ICE1: variants seen among roughly 807,000 people sequenced by gnomAD.
ICE1 encodes interactor of little elongation complex ELL subunit 1.
In ICE1, 64 loss-of-function variants were observed where a neutral mutation model predicts 192.7. The ratio of observed to expected loss-of-function variants is 0.33; its 90% CI spans 0.27 to 0.41. ICE1 has a LOEUF of 0.41. Among genes scored for constraint, ICE1 ranks in the 10% least tolerant of loss-of-function variants. The pLI is 1.00. For missense variants in ICE1, 2,708 were observed against 2,696.0 expected, an observed-to-expected ratio of 1.00 and a Z score of -0.10; for synonymous variants, 1,010 against 984.5, an observed-to-expected ratio of 1.03 and a Z score of -0.49.
rs1737341601 is a variant in ICE1 at position 5,422,733 on chromosome 5, C to G, written c.-183C>G. 2.7e-6 allele frequency: 1 copy of G among 370,386 alleles called. No individual in the cohort carries two copies. The highest frequency in any genetic ancestry group is 2.1e-5 in the African/African-American group (1 of 47,328). The allele number at this position is 370,386 out of a possible 1,614,324, so 22.9% of individuals were successfully genotyped here. A position where few individuals can be genotyped will look rare whatever the true frequency, so the allele number is the denominator to read the frequency against. ...TAGCGTTTCTTTTTAGTGCCTGAGG[C>G]AGCTCTGGCTCGGAGAGCCTTTTGC... On this transcript the variant is annotated 5_prime_UTR_variant, in exon 1 of 19. Coordinates refer to ENST00000296564, the MANE Select transcript of ICE1 (RefSeq NM_015325.3).
chr5:5,428,735 G>A (rs1422068398), intron 1 of ICE1, among the ~76,000 whole-genome samples: 2 of 151,998 alleles, frequency 1.3e-5, no homozygotes, highest in Non-Finnish European at 2.9e-5. Flanking sequence ...TGCTGGCCTG[G>A]GAGTGGCTTT....
intron 3 of ICE1, 79 bp downstream of exon 3, chr5:5,437,193 C>A (rs998752315): frequency 3.7e-6 from 4 of 1,076,368 alleles, no homozygotes; most frequent in Non-Finnish European, 1.4e-6. Context: ...GAGAATTGTT[C>A]CTCATAGGCC....
At chr5:5,435,678 G>GTTTTTT (rs796599483) in intron 1 of ICE1, among the ~76,000 whole-genome samples, 48 of 116,712 alleles carry the variant, frequency 4.1e-4, no homozygotes, top group African/African-American at 1.4e-3. Context: ...TTTTTGTTTT[G>GTTTTTT]TTTTTGTTTT....
chr5:5,448,657 T>C (rs1738320626), intron 10 of ICE1, among the ~76,000 whole-genome samples: 1 of 150,744 alleles, frequency 6.6e-6, no homozygotes. Flanking sequence ...CACTAATGTG[T>C]TATTTTTTTC....
At chr5:5,445,171 C>A (rs1259149963) in intron 7 of ICE1, among the ~76,000 whole-genome samples, 3 of 152,168 alleles carry the variant, frequency 2.0e-5, no homozygotes, top group Non-Finnish European at 2.9e-5. Flanking sequence ...TTAGTTACAT[C>A]CGGGCACATA....
intron 17 of ICE1, among the ~76,000 whole-genome samples, chr5:5,480,148 C>T (rs891162500): frequency 1.3e-5 from 2 of 152,116 alleles, no homozygotes; most frequent in African/African-American, 4.8e-5. Context: ...ATTCTTTGCC[C>T]CTGGGGAATA....
At chr5:5,427,714 T>C (rs958157237) in intron 1 of ICE1, among the ~76,000 whole-genome samples, 3 of 152,220 alleles carry the variant, frequency 2.0e-5, no homozygotes, top group Non-Finnish European at 4.4e-5. Flanking sequence ...AAGGAATGCT[T>C]ACAAAATTGT....
At chr5:5,433,442 C>T (rs1272779409) in intron 1 of ICE1, among the ~76,000 whole-genome samples, 2 of 152,144 alleles carry the variant, frequency 1.3e-5, no homozygotes, top group African/African-American at 4.8e-5. Flanking sequence ...CACTTTTCCC[C>T]ACTGCTGGCT....
At chr5:5,428,854 C>T (rs532049981) in intron 1 of ICE1, among the ~76,000 whole-genome samples, 12 of 152,238 alleles carry the variant, frequency 7.9e-5, no homozygotes, top group East Asian at 1.9e-4. Flanking sequence ...AAAGTTTAAA[C>T]AGCAGAGCCT....
intron 16 of ICE1, among the ~76,000 whole-genome samples, chr5:5,474,209 C>CA (rs199608820): frequency 0.054 from 6,449 of 120,488 alleles, 518 homozygotes; most frequent in East Asian, 0.34. Flanking sequence ...GACTTCATCT[C>CA]AAAAAAAAAA....
chr5:5,442,268 C>G (rs981764753), intron 5 of ICE1, among the ~76,000 whole-genome samples: 12 of 152,242 alleles, frequency 7.9e-5, no homozygotes, highest in Non-Finnish European at 1.5e-4. Flanking sequence ...AACCTCTTCT[C>G]TCTAGGCGCT....
At chr5:5,427,570 C>A (rs1737562801) in intron 1 of ICE1, among the ~76,000 whole-genome samples, 1 of 152,138 alleles carries the variant, frequency 6.6e-6, no homozygotes, top group African/African-American at 2.4e-5. Context: ...GTATGGTTGT[C>A]CTTGGAACAG....
In ICE1 at chr5:5,464,468, TCTC is replaced by T; in HGVS notation, c.5138_5140del (p.Pro1713del). 6.2e-7 allele frequency: 1 copy of T among 1,613,750 alleles called. No individual in the cohort carries two copies. Among genetic ancestry groups the T allele is most frequent in the Non-Finnish European group, 8.5e-7 (1 of 1,179,842 alleles). On this transcript the variant is annotated inframe_deletion, in exon 13 of 19. Transcript: ENST00000296564. This position sits in a 1 kb window ranked among gnomAD's most constrained non-coding sequence, Gnocchi z 4.0. ...TTCAGCCAGTGAGAGGGTAGTGCCGTCTCCTCTGCAGTTCTGTGCGGCCACGCC... is the reference window on the plus strand; with the variant it reads ...TTCAGCCAGTGAGAGGGTAGTGCCGTCTCTGCAGTTCTGTGCGGCCACGCC...
intron 13 of ICE1, 85 bp from the exon 14 acceptor site, chr5:5,466,249 A>G: frequency 8.0e-7 from 1 of 1,248,534 alleles, no homozygotes; most frequent in Non-Finnish European, 1.1e-6. Context: ...ATAGATACTT[A>G]AGTTTTGTAA....
Position 5,461,400 on chromosome 5 carries a change from C to T in ICE1, c.2066C>T (p.Pro689Leu). The change falls in exon 13 of 19, where the codon CCA becomes CTA. Residue 689 changes from proline (P) to leucine (L), a missense_variant. Around this residue, in one of 2 missense-constraint regions of ICE1, gnomAD observed 2,366 missense variants for 2,276.6 expected, o/e 1.04. Transcript: ENST00000296564. ...TLNTLHLQSE[P>L]PECSIGGNNL... is the part of the protein sequence containing the mutation. ...AACACATTACATCTGCAGTCTGAGC[C>T]ACCGGAGTGTTCTATAGGAGGAAAC... 1 of 1,613,956 alleles carries T rather than the reference C, an allele frequency of 6.2e-7. No homozygotes were observed. Among genetic ancestry groups the T allele is most frequent in the Non-Finnish European group, 8.5e-7 (1 of 1,179,876 alleles).
At chr5:5,480,359 C>G (rs1305094710) in intron 17 of ICE1, among the ~76,000 whole-genome samples, 1 of 150,846 alleles carries the variant, frequency 6.6e-6, no homozygotes, top group African/African-American at 2.4e-5. Flanking sequence ...GCGCCATTCT[C>G]CTGCCTCAGC....
chr5:5,453,991 C>T (rs1388471525), intron 10 of ICE1, among the ~76,000 whole-genome samples: 3 of 152,128 alleles, frequency 2.0e-5, no homozygotes, highest in African/African-American at 4.8e-5. Flanking sequence ...TATGTTCATA[C>T]GCACACATTC....
At chr5:5,451,267 T>A (rs1738407315) in intron 10 of ICE1, among the ~76,000 whole-genome samples, 1 of 152,200 alleles carries the variant, frequency 6.6e-6, no homozygotes, top group East Asian at 1.9e-4. Context: ...ATATAGCCAA[T>A]TCCTTCACTA....
rs774800939 is a variant in ICE1, at chr5:5,489,268, C to G, written c.6739C>G (p.Pro2247Ala). Residue 2247 changes from proline (P) to alanine (A), a missense_variant, in exon 19 of 19, where the codon CCG becomes GCG. This residue lies in a region of ICE1 where 342 missense variants were observed against 419.3 expected (regional missense o/e 0.82). Transcript: ENST00000296564. Reference protein sequence around the residue: ...AWRREASKSVPSAIVSCLEEV... With the variant: ...AWRREASKSVASAIVSCLEEV... Reference sequence around the variant, plus strand: ...GCGGAGAGAGGCCTCCAAAAGCGTTCCGTCTGCGATTGTCAGCTGCCTAGA... The same window carrying G: ...GCGGAGAGAGGCCTCCAAAAGCGTTGCGTCTGCGATTGTCAGCTGCCTAGA... 1.2e-6 allele frequency: 2 copies of G among 1,613,620 alleles called. No homozygotes were observed. Among genetic ancestry groups the G allele is most frequent in the Non-Finnish European group, 1.7e-6 (2 of 1,179,826 alleles).
Sources: allele counts gnomAD v4.1 joint callset (sites outside exome capture counted in the v4.1 genomes callset), GRCh38; gene constraint gnomAD v4.1.1; regional missense constraint gnomAD v4.1.1; non-coding constraint Gnocchi (gnomAD v3.1); transcripts MANE v1.5; gene names NCBI Gene and HGNC (gene_info 2026-07-23, HGNC 2026-07-21).